IL1RAP: variants seen among roughly 807,000 people sequenced by gnomAD.
IL1RAP encodes interleukin-1 receptor accessory protein.
In IL1RAP, 35 loss-of-function variants were observed where a neutral mutation model predicts 60.7. That is an observed-to-expected ratio of 0.58 (90% CI 0.44 to 0.76). The LOEUF is 0.76. IL1RAP is among the 30% of genes least tolerant of loss of function. The probability of loss-of-function intolerance (pLI) is 0.00; values close to 1 mark genes in which losing one functional copy is unlikely to be tolerated. For missense variants in IL1RAP, 572 were observed against 693.9 expected (o/e 0.82, Z 1.97); for synonymous variants, 268 against 250.9 (o/e 1.07, Z -0.64).
chr3:190,656,045 A>C (rs1333993147), downstream of IL1RAP: 1 of 1,537,244 alleles, frequency 6.5e-7, no homozygotes, highest in Non-Finnish European at 8.7e-7. Flanking sequence ...ATTGTGGTTG[A>C]GTACCGTCCC....
chr3:190,568,354 C>G (rs1257014258), intron 3 of IL1RAP, among the ~76,000 whole-genome samples: 1 of 152,124 alleles, frequency 6.6e-6, no homozygotes, highest in Non-Finnish European at 1.5e-5. Context: ...CCTGATAGAG[C>G]CAGGCTGCCT....
chr3:190,627,920 G>GT (rs949883227), intron 8 of IL1RAP, among the ~76,000 whole-genome samples: 30 of 148,632 alleles, frequency 2.0e-4, no homozygotes, highest in African/African-American at 4.5e-4. Context: ...ATTGTGTTTT[G>GT]TTTTTTTTTG....
At chr3:190,527,156 T>C (rs1435318534) in intron 1 of IL1RAP, among the ~76,000 whole-genome samples, 1 of 152,172 alleles carries the variant, frequency 6.6e-6, no homozygotes, top group East Asian at 1.9e-4. Flanking sequence ...AGCAGAAGAC[T>C]AAAGTTTTGC....
chr3:190,592,404 C>T (rs1353073324), intron 3 of IL1RAP, among the ~76,000 whole-genome samples: 1 of 152,202 alleles, frequency 6.6e-6, no homozygotes, highest in African/African-American at 2.4e-5. Context: ...GGAAGGGTGG[C>T]TGCTGGAACC....
At chr3:190,603,326 A>G (rs892592698) in intron 3 of IL1RAP, among the ~76,000 whole-genome samples, 3 of 152,220 alleles carry the variant, frequency 2.0e-5, no homozygotes, top group Admixed American at 6.5e-5. Flanking sequence ...GTGACCTTGT[A>G]GAACTAAGCT....
intron 3 of IL1RAP, among the ~76,000 whole-genome samples, chr3:190,566,832 C>T (rs1174319667): frequency 6.6e-6 from 1 of 152,154 alleles, no homozygotes; most frequent in East Asian, 1.9e-4. Flanking sequence ...GAGGGATCAA[C>T]CAACCTCTCT....
chr3:190,627,945 T>G (rs760902178), intron 8 of IL1RAP, among the ~76,000 whole-genome samples: 1 of 152,086 alleles, frequency 6.6e-6, no homozygotes, highest in Non-Finnish European at 1.5e-5. Flanking sequence ...GCAGTGAGCA[T>G]GCATTTTCTC....
chr3:190,517,684 C>A (rs753618983), intron 1 of IL1RAP, among the ~76,000 whole-genome samples: 2 of 152,172 alleles, frequency 1.3e-5, no homozygotes, highest in Non-Finnish European at 2.9e-5. Flanking sequence ...TTGCTCCTTG[C>A]TTTTGGCATT....
At chr3:190,565,344 G>A (rs550533020) in intron 3 of IL1RAP, among the ~76,000 whole-genome samples, 3 of 152,130 alleles carry the variant, frequency 2.0e-5, no homozygotes, top group East Asian at 3.9e-4. Flanking sequence ...CCTTTTCTTT[G>A]TGAGAGGGCT....
In IL1RAP at chr3:190,620,353, A is replaced by G. The variant is rs1412103985; in HGVS notation, c.616A>G (p.Asn206Asp). The change falls in exon 6 of 12, where the codon AAT becomes GAT. Residue 206 changes from asparagine (N) to aspartate (D), a missense_variant. Physicochemically the swap from Asn to Asp is conservative, Grantham distance 23. Transcript: ENST00000447382. Reference protein sequence around the residue: ...NLSFLIALISNNGNYTCVVTY... With the variant: ...NLSFLIALISDNGNYTCVVTY... ...GAGTTTCCTCATTGCCTTAATTTCA[A>G]ATAATGGAAATTACACATGTGTTGT... 6.2e-7 allele frequency: 1 copy of G among 1,611,178 alleles called. No homozygotes were observed. Among genetic ancestry groups the G allele is most frequent in the Non-Finnish European group, 8.5e-7 (1 of 1,177,816 alleles).
intron 1 of IL1RAP, chr3:190,555,910 A>G (rs373726194): frequency 2.0e-5 from 3 of 148,290 alleles, no homozygotes; most frequent in East Asian, 4.0e-4. Flanking sequence ...TTATATATAT[A>G]GATAGATAGA....
At chr3:190,545,077 C>T (rs1724254876) in intron 1 of IL1RAP, among the ~76,000 whole-genome samples, 2 of 152,146 alleles carry the variant, frequency 1.3e-5, no homozygotes, top group Non-Finnish European at 2.9e-5. Context: ...CCAGGATTTA[C>T]GTGAATATTT....
chr3:190,526,014 T>C lies in IL1RAP; in HGVS notation c.-89+11795T>C, dbSNP rs60129661. On this transcript the variant is annotated intron_variant, in intron 1 of 11. Transcript: ENST00000447382. ...AATTAAATTCCATACAAGATCAATT[T>C]CTTCTTTCTGACTCTACAAATTTAA... Among the ~76,000 whole-genome samples, 1,061 of 152,210 alleles carry C rather than the reference T, an allele frequency of 7.0e-3. 17 individuals are homozygous for C. The highest frequency in any genetic ancestry group is 0.022 in the African/African-American group (921 of 41,476).
rs368839501 is a variant in IL1RAP, at chr3:190,531,862, T to G, written c.-89+17643T>G. Among the ~76,000 whole-genome samples the G allele has an allele frequency of 2.7e-4, 41 of 152,224 alleles. 1 individual carries two copies. In the East Asian group the frequency reaches 5.6e-3, roughly 21 times the overall value. On this transcript the variant is annotated intron_variant, in intron 1 of 11. Transcript: ENST00000447382. The stretch of plus-strand genomic sequence containing the variant: ...TTTTGTAGTTAATGATATTGAGACA[T>G]GGACTTAGGGGAACAGGAGGAGGCA...
chr3:190,556,906 T>C (rs1336510668), intron 2 of IL1RAP, among the ~76,000 whole-genome samples: 2 of 152,248 alleles, frequency 1.3e-5, no homozygotes, highest in Admixed American at 6.5e-5. Context: ...CTAAGCACTT[T>C]ACAGCAATTG....
intron 3 of IL1RAP, among the ~76,000 whole-genome samples, chr3:190,588,387 C>T (rs1378333908): frequency 1.3e-5 from 2 of 152,254 alleles, no homozygotes; most frequent in Non-Finnish European, 2.9e-5. Context: ...GCTGGGATTA[C>T]AGGCGTGAGC....
intron 7 of IL1RAP, among the ~76,000 whole-genome samples, chr3:190,624,438 T>C (rs890841691): frequency 6.6e-6 from 1 of 152,200 alleles, no homozygotes; most frequent in Admixed American, 6.5e-5. Context: ...ATAATAGGCA[T>C]GTGTGTGTGA....
chr3:190,656,694 C>T, exon 12 of IL1RAP: 3 of 727,198 alleles, frequency 4.1e-6, no homozygotes, highest in East Asian at 2.8e-5. Context: ...TTTTTATCAT[C>T]TAATGGACTA....
At chr3:190,549,272 G>A (rs776734063) in intron 1 of IL1RAP, among the ~76,000 whole-genome samples, 1 of 152,146 alleles carries the variant, frequency 6.6e-6, no homozygotes, top group Non-Finnish European at 1.5e-5. Flanking sequence ...GCGCAGGCTG[G>A]TCAGAGGTTC....
Sources: gnomAD v4.1 joint callset for allele counts (sites outside exome capture counted in the v4.1 genomes callset) on GRCh38, gnomAD v4.1.1 for gene constraint, MANE v1.5 for transcripts, NCBI Gene and HGNC (gene_info 2026-07-23, HGNC 2026-07-21) for gene names.